RPL28: variants seen among roughly 807,000 people sequenced by gnomAD.
RPL28 encodes the protein ribosomal protein L28, also known as large ribosomal subunit protein eL28.
Under a neutral mutation model 12.5 loss-of-function variants are expected in RPL28, and 4 were observed. The observed-to-expected ratio is 0.32, with a 90% CI of 0.16 to 0.73. RPL28 has a LOEUF of 0.73. RPL28 is among the 30% of genes least tolerant of loss of function. The probability of loss-of-function intolerance (pLI) is 0.66; values close to 1 mark genes in which losing one functional copy is unlikely to be tolerated. For synonymous variants in RPL28, 91 were observed against 72.5 expected, an observed-to-expected ratio of 1.26 and a Z score of -1.30; for missense variants, 214 against 197.7, an observed-to-expected ratio of 1.08 and a Z score of -0.49.
rs567912804 is a variant in RPL28 at position 55,401,547 on chromosome 19, C to T, written c.325-1396C>T. ...TGGGACCCTCAGCCCCTCCCGGGCC[C>T]CCTGGGGCCCCAGGGTCGGTGGAGG... is the stretch of plus-strand genomic sequence containing the variant. On this transcript the variant is annotated intron_variant, in intron 4 of 4. Coordinates refer to the RPL28 transcript ENST00000560055. The T allele has an allele frequency of 3.7e-6, 6 of 1,610,634 alleles. No individual in the cohort carries two copies. The East Asian group carries it at 1.3e-4, about 36-fold the overall frequency.
Position 55,386,592 on chromosome 19 carries a change from G to A in RPL28, c.104G>A (p.Arg35His). ...CAGGAGCCCAATAACTTGAAGGCCC[G>A]CAATTCCTTCCGCTACAACGGACTG... ...YSTEPNNLKARNSFRYNGLIH... is the reference protein window; with the variant it reads ...YSTEPNNLKAHNSFRYNGLIH... The change falls in exon 3 of 5, where the codon CGC becomes CAC. Residue 35 changes from arginine (R) to histidine (H), a missense_variant. Transcript: ENST00000344063. 3 of 1,609,942 alleles carry A rather than the reference G, an allele frequency of 1.9e-6. No individual in the cohort carries two copies. Among genetic ancestry groups the A allele is most frequent in the South Asian group, 1.1e-5 (1 of 90,986 alleles).
chr19:55,394,999 G>A (rs115291248), downstream of RPL28, among the ~76,000 whole-genome samples: 593 of 152,254 alleles, frequency 3.9e-3, 4 homozygotes, highest in African/African-American at 0.014. Flanking sequence ...TAAACAATAA[G>A]ATGCATGTGT....
At chr19:55,402,524 G>A (rs750862684) in intron 4 of RPL28, among the ~76,000 whole-genome samples, 1 of 152,168 alleles carries the variant, frequency 6.6e-6, no homozygotes, top group Non-Finnish European at 1.5e-5. Flanking sequence ...AGTGGGTCTG[G>A]GCAAACTGGC....
chr19:55,389,398 A>G lies in RPL28; in HGVS notation c.*1066A>G, dbSNP rs1192886062. 2.0e-6 allele frequency: 2 copies of G among 984,944 alleles called. No individual in the cohort carries two copies. Among genetic ancestry groups the G allele is most frequent in the Non-Finnish European group, 2.4e-6 (2 of 829,784 alleles). The allele number at this position is 984,944 out of a possible 1,614,324, so 61.0% of individuals were successfully genotyped here. On this transcript the variant is annotated 3_prime_UTR_variant, in exon 5 of 5. Coordinates refer to ENST00000344063, the MANE Select transcript of RPL28 (RefSeq NM_000991.5). Reference sequence around the variant, plus strand: ...AAAGAGTCCTGCTGTTGATCCTCACATGTTTCCTGGGCACCTAACTCTGTC... The same window carrying G: ...AAAGAGTCCTGCTGTTGATCCTCACGTGTTTCCTGGGCACCTAACTCTGTC...
downstream of RPL28, among the ~76,000 whole-genome samples, chr19:55,395,657 A>G (rs763123474): frequency 1.3e-5 from 2 of 149,344 alleles, no homozygotes; most frequent in African/African-American, 2.5e-5. Context: ...GTTAGCCAGG[A>G]TGGTCTCAAT....
Position 55,391,799 on chromosome 19 carries a change from A to T in RPL28, c.*3467A>T. On this transcript the variant is annotated 3_prime_UTR_variant, in exon 5 of 5. Coordinates refer to ENST00000344063, the MANE Select transcript of RPL28 (RefSeq NM_000991.5). Reference sequence around the variant, plus strand: ...TTTGATCAGATGGACTCATGATCACAGATGTCTTCACATGCCTATGACTAA... The same window carrying T: ...TTTGATCAGATGGACTCATGATCACTGATGTCTTCACATGCCTATGACTAA... 1.4e-6 allele frequency: 2 copies of T among 1,443,266 alleles called. No individual in the cohort carries two copies. The highest frequency in any genetic ancestry group is 2.9e-5 in the South Asian group (2 of 69,210). The allele number at this position is 1,443,266 out of a possible 1,614,324, so 89.4% of individuals were successfully genotyped here. A position where few individuals can be genotyped will look rare whatever the true frequency, so the allele number is the denominator to read the frequency against.
chr19:55,386,572 G>C lies in RPL28; in HGVS notation c.84G>C (p.Glu28Asp). ...GCCTTGTGCCGCCTCCTTCCCAGGAGCCCAATAACTTGAAGGCCCGCAATT... is the reference window on the plus strand; with the variant it reads ...GCCTTGTGCCGCCTCCTTCCCAGGACCCCAATAACTTGAAGGCCCGCAATT... ...IKRNKQTYST[E>D]PNNLKARNSF... Residue 28 changes from glutamate to aspartate, a missense_variant and splice_region_variant, in exon 3 of 5, where the codon GAG (glutamate) becomes GAC (aspartate). Physicochemically the swap from Glu to Asp is conservative, Grantham distance 45. Coordinates refer to ENST00000344063, the MANE Select transcript of RPL28 (RefSeq NM_000991.5). 1 of 1,605,944 alleles carries C rather than the reference G, an allele frequency of 6.2e-7. No individual in the cohort carries two copies. The highest frequency in any genetic ancestry group is 8.5e-7 in the Non-Finnish European group (1 of 1,173,298).
chr19:55,386,930 C>T (rs907283758), intron 3 of RPL28: 52 of 1,475,086 alleles, frequency 3.5e-5, no homozygotes, highest in Admixed American at 5.2e-5. Flanking sequence ...ACCTGAACTT[C>T]CTCGGTGGTT....
At chr19:55,401,256 C>T (rs2090055511) in intron 4 of RPL28, 4 of 742,572 alleles carry the variant, frequency 5.4e-6, no homozygotes, top group Admixed American at 2.9e-5. Context: ...ATGCAGCGGT[C>T]CTGGGGCATC....
chr19:55,387,827 C>T, intron 3 of RPL28, 103 bp from the exon 4 acceptor site: 1 of 1,480,628 alleles, frequency 6.8e-7, no homozygotes, highest in Non-Finnish European at 8.9e-7. Context: ...GCCACGGGCC[C>T]ACGCTGCTCA....
At chr19:55,388,222 G>T in intron 4 of RPL28, 21 bp from the exon 5 acceptor site, 1 of 1,519,776 alleles carries the variant, frequency 6.6e-7, no homozygotes, top group Non-Finnish European at 8.8e-7. Context: ...GCTGAGCCTT[G>T]CTCTGCTCCC....
rs761282360 is a variant in RPL28, at chr19:55,390,207, C to T, written c.*1875C>T. ...CCCACCGGTCCTGAGAGTTTGCTCACTGGAGACTTTCTGGAGATGGAGTCT... is the reference window on the plus strand; with the variant it reads ...CCCACCGGTCCTGAGAGTTTGCTCATTGGAGACTTTCTGGAGATGGAGTCT... On this transcript the variant is annotated 3_prime_UTR_variant, in exon 5 of 5. Transcript: ENST00000344063. The T allele has an allele frequency of 1.0e-6, 1 of 985,250 alleles. No homozygotes were observed. The highest frequency in any genetic ancestry group is 1.2e-6 in the Non-Finnish European group (1 of 829,882). 61.0% of individuals were successfully genotyped at this position (985,250 alleles called of 1,614,324 possible).
downstream of RPL28, among the ~76,000 whole-genome samples, chr19:55,392,750 C>T (rs1344392394): frequency 2.6e-5 from 4 of 151,874 alleles, no homozygotes; most frequent in Non-Finnish European, 4.4e-5. Flanking sequence ...AGGATGGTCT[C>T]GATCTCCTGA....
chr19:55,391,954 C>G lies in RPL28; in HGVS notation c.*3622C>G. On this transcript the variant is annotated 3_prime_UTR_variant, in exon 5 of 5. Transcript: ENST00000344063. ...GGCTGTGAGCTTTCCCAGCCTCCTG[C>G]CCGTGTTTGTGAATATCATTCTGTC... is the stretch of plus-strand genomic sequence containing the variant. 6 of 1,230,128 alleles carry G rather than the reference C, an allele frequency of 4.9e-6. No homozygotes were observed. Among genetic ancestry groups the G allele is most frequent in the Non-Finnish European group, 5.1e-6 (5 of 979,918 alleles). The allele number at this position is 1,230,128 out of a possible 1,614,324, so 76.2% of individuals were successfully genotyped here.
chr19:55,388,923 G>C lies in RPL28; in HGVS notation c.*591G>C, dbSNP rs1033637384. ...ACTGTAAGGGAGATGGCAGCCCCAG[G>C]GTACAGCCAGCAGGCATTGAGCAGC... On this transcript the variant is annotated 3_prime_UTR_variant, in exon 5 of 5. Transcript: ENST00000344063. 4 of 985,372 alleles carry C rather than the reference G, an allele frequency of 4.1e-6. No homozygotes were observed. The highest frequency in any genetic ancestry group is 6.2e-5 in the Admixed American group (1 of 16,260). The allele number at this position is 985,372 out of a possible 1,614,324, so 61.0% of individuals were successfully genotyped here. A position where few individuals can be genotyped will look rare whatever the true frequency, so the allele number is the denominator to read the frequency against.
chr19:55,403,099 C>A (rs760996381), exon 5 of RPL28: 8 of 992,832 alleles, frequency 8.1e-6, no homozygotes, highest in Non-Finnish European at 1.2e-5. Flanking sequence ...TGGCCTCCAC[C>A]CACTAGATGC....
chr19:55,398,894 G>A (rs1013823243), intron 4 of RPL28, among the ~76,000 whole-genome samples: 1 of 151,918 alleles, frequency 6.6e-6, no homozygotes, highest in Non-Finnish European at 1.5e-5. Flanking sequence ...TTGAGATGAG[G>A]TTTCGCCACG....
In RPL28 at chr19:55,390,798, G is replaced by GA. The variant is rs2089983032; in HGVS notation, c.*2467dup. 1 of 985,404 alleles carries GA rather than the reference G, an allele frequency of 1.0e-6. No individual in the cohort carries two copies. Among genetic ancestry groups the GA allele is most frequent in the Non-Finnish European group, 1.2e-6 (1 of 829,984 alleles). 61.0% of individuals were successfully genotyped at this position (985,404 alleles called of 1,614,324 possible). On this transcript the variant is annotated 3_prime_UTR_variant, in exon 5 of 5. Coordinates refer to ENST00000344063, the MANE Select transcript of RPL28 (RefSeq NM_000991.5). The stretch of plus-strand genomic sequence containing the variant: ...ACCAGGAGAGGGCTGGAGGGAGGGA[G>GA]ATGGTCTCAGCCCCACAGAGTTTGG...
chr19:55,402,149 T>C (rs1367908837), intron 4 of RPL28, among the ~76,000 whole-genome samples: 2 of 152,194 alleles, frequency 1.3e-5, no homozygotes, highest in African/African-American at 2.4e-5. Flanking sequence ...AGCATGACCT[T>C]AGAGGCCCTC....
Sources: allele counts gnomAD v4.1 joint callset (sites outside exome capture counted in the v4.1 genomes callset), GRCh38; gene constraint gnomAD v4.1.1; transcripts MANE v1.5; gene names NCBI Gene and HGNC (gene_info 2026-07-23, HGNC 2026-07-21).